The following RPL7A variants were observed in gnomAD, a reference collection of about 807,000 sequenced individuals.
RPL7A encodes the protein ribosomal protein L7a.
For missense variants in RPL7A, 291 were observed against 338.2 expected (o/e 0.86, Z 1.09); for synonymous variants, 158 against 128.2 (o/e 1.23, Z -1.57).
At position 133,349,974 on chromosome 9, in the gene RPL7A, A is replaced by G. The variant is rs2129990227; in HGVS notation, c.337A>G (p.Arg113Gly). Residue 113 changes from arginine (R) to glycine (G), a missense_variant, in exon 4 of 8, where the codon AGA becomes GGA. Transcript: ENST00000323345. ...RPETKQEKKQ[R>G]LLARAEKKAA... ...AGAGACAAAGCAAGAGAAGAAGCAG[A>G]GACTGTTGGCCCGGGCCGAGAAGAA... 6.2e-7 allele frequency: 1 copy of G among 1,612,366 alleles called. No individual in the cohort carries two copies. Among genetic ancestry groups the G allele is most frequent in the Non-Finnish European group, 8.5e-7 (1 of 1,180,036 alleles).
chr9:133,349,529 G>C, intron 2 of RPL7A, 22 bp from the exon 3 acceptor site: 1 of 1,613,912 alleles, frequency 6.2e-7, no homozygotes, highest in Non-Finnish European at 8.5e-7. Context: ...AGCCTCACTC[G>C]GTGTCACCCT....
chr9:133,350,473 T>A, intron 5 of RPL7A, 124 bp from the exon 6 acceptor site: 1 of 1,541,812 alleles, frequency 6.5e-7, no homozygotes, highest in Non-Finnish European at 9.0e-7. Context: ...GATGTGAATC[T>A]CTCACTGAAT....
At position 133,350,999 on chromosome 9, in the gene RPL7A, T is replaced by C; in HGVS notation, c.627-3T>C. On this transcript the variant is annotated splice_polypyrimidine_tract_variant and splice_region_variant and intron_variant, in intron 6 of 7. Coordinates refer to ENST00000323345, the MANE Select transcript of RPL7A (RefSeq NM_000972.3). ...CACTTTTGTTTCCCCTCCTGCCTTT[T>C]AGGGAAGACAAAGGCGCTTTGGCTA... is the stretch of plus-strand genomic sequence containing the variant. 6.2e-7 allele frequency: 1 copy of C among 1,614,002 alleles called. No individual in the cohort carries two copies. The highest frequency in any genetic ancestry group is 8.5e-7 in the Non-Finnish European group (1 of 1,179,938).
At chr9:133,348,364 CT>C in intron 1 of RPL7A, 118 bp downstream of exon 1, 1 of 1,402,336 alleles carries the variant, frequency 7.1e-7, no homozygotes, top group Non-Finnish European at 1.0e-6. Flanking sequence ...GAGAGCCCCA[CT>C]CGGTGTGGCA....
Position 133,350,059 on chromosome 9 carries a change from A to T in RPL7A, c.415+7A>T. On this transcript the variant is annotated splice_region_variant and intron_variant, in intron 4 of 7. Coordinates refer to ENST00000323345, the MANE Select transcript of RPL7A (RefSeq NM_000972.3). ...CCACCTGTCCTTCGAGCAGGTGAGT[A>T]GGCCCCACCTTAGGGTGAACACTGG... 1 of 1,613,998 alleles carries T rather than the reference A, an allele frequency of 6.2e-7. No homozygotes were observed. The highest frequency in any genetic ancestry group is 8.5e-7 in the Non-Finnish European group (1 of 1,180,046).
Position 133,349,583 on chromosome 9 carries a change from C to T in RPL7A, c.157C>T (p.Arg53Cys). ...CATCCAGCCCAAAAGAGACCTCACC[C>T]GCTTTGTGAAATGGCCCCGCTATAT... is the stretch of plus-strand genomic sequence containing the variant. Reference protein sequence around the residue: ...QDIQPKRDLTRFVKWPRYIRL... With the variant: ...QDIQPKRDLTCFVKWPRYIRL... Residue 53 changes from arginine (R) to cysteine (C), a missense_variant, in exon 3 of 8, where the codon CGC becomes TGC. Arg to Cys is a radical substitution (Grantham distance 180). Transcript: ENST00000323345. 1 of 1,614,068 alleles carries T rather than the reference C, an allele frequency of 6.2e-7. No individual in the cohort carries two copies. Among genetic ancestry groups the T allele is most frequent in the Non-Finnish European group, 8.5e-7 (1 of 1,179,988 alleles).
At chr9:133,350,451 GGCTCTT>G in intron 5 of RPL7A, 132 bp downstream of exon 5, 1 of 1,501,474 alleles carries the variant, frequency 6.7e-7, no homozygotes, top group African/African-American at 1.4e-5. Flanking sequence ...ACACATGCGT[GGCTCTT>G]GCAATGATGT....
rs782525000 is a variant in RPL7A, at chr9:133,348,254, A to C, written c.3+8A>C. 2 of 1,613,870 alleles carry C rather than the reference A, an allele frequency of 1.2e-6. No individual in the cohort carries two copies. Among genetic ancestry groups the C allele is most frequent in the African/African-American group, 1.3e-5 (1 of 74,904 alleles). On this transcript the variant is annotated splice_region_variant and intron_variant, in intron 1 of 7. Coordinates refer to ENST00000323345, the MANE Select transcript of RPL7A (RefSeq NM_000972.3). Reference sequence around the variant, plus strand: ...CTCCCGCCGCCCAAGATGGTGAGTGAGCTGTAGTTCCGTGGCACTATAGCC... The same window carrying C: ...CTCCCGCCGCCCAAGATGGTGAGTGCGCTGTAGTTCCGTGGCACTATAGCC...
intron 2 of RPL7A, 48 bp downstream of exon 2, chr9:133,349,090 G>A: frequency 6.2e-7 from 1 of 1,605,198 alleles, no homozygotes. Context: ...TTTCTCAAGG[G>A]AAGGTGGTAA....
intron 4 of RPL7A, 52 bp from the exon 5 acceptor site, chr9:133,350,188 T>C (rs1836353117): frequency 6.2e-7 from 1 of 1,611,488 alleles, no homozygotes; most frequent in Non-Finnish European, 8.5e-7. Flanking sequence ...CAGCAGCTTC[T>C]TGTGACTAGA....
intron 5 of RPL7A, 91 bp from the exon 6 acceptor site, chr9:133,350,506 T>C (rs2129994190): frequency 1.3e-6 from 2 of 1,599,124 alleles, no homozygotes; most frequent in East Asian, 4.5e-5. Flanking sequence ...TGCGAATCCA[T>C]GAGCTTTTTA....
intron 1 of RPL7A, 22 bp downstream of exon 1, chr9:133,348,268 G>C (rs1046408934): frequency 3.7e-6 from 6 of 1,614,052 alleles, no homozygotes; most frequent in Non-Finnish European, 5.1e-6. Context: ...GTAGTTCCGT[G>C]GCACTATAGC....
chr9:133,351,296 C>G lies in RPL7A; in HGVS notation c.731C>G (p.Pro244Arg). 1 of 1,614,086 alleles carries G rather than the reference C, an allele frequency of 6.2e-7. No homozygotes were observed. Among genetic ancestry groups the G allele is most frequent in the Non-Finnish European group, 8.5e-7 (1 of 1,179,954 alleles). The change falls in exon 8 of 8, where the codon CCT (proline) becomes CGT (arginine). Residue 244 changes from proline to arginine, a missense_variant. By Grantham distance (103) the Pro-to-Arg change is moderately radical. Transcript: ENST00000323345. The part of the protein sequence containing the change: ...RRHWGGNVLG[P>R]KSVARIAKLE... ...CACTGGGGTGGCAATGTCCTGGGTC[C>G]TAAGTCTGTGGCTCGTATCGCCAAG... is the stretch of plus-strand genomic sequence containing the variant.
At chr9:133,348,302 C>T (rs1288006125) in intron 1 of RPL7A, 56 bp downstream of exon 1, 3 of 1,613,178 alleles carry the variant, frequency 1.9e-6, no homozygotes, top group Non-Finnish European at 2.5e-6. Flanking sequence ...TATCCGCTGC[C>T]ATCCTCCTCC....
Position 133,350,638 on chromosome 9 carries a change from C to T in RPL7A, c.537C>T (p.Val179=). The change falls in exon 6 of 8, where the codon GTC becomes GTT. Residue 179 remains valine (V), a synonymous_variant. Transcript: ENST00000323345. ...CTGCCCTGTGTCGTAAAATGGGGGT[C>T]CCTTACTGCATTATCAAGGGAAAGG... is the stretch of plus-strand genomic sequence containing the variant. ...FLPALCRKMG[V]PYCIIKGKAR... is the part of the protein sequence containing the mutation. 6.2e-7 allele frequency: 1 copy of T among 1,614,032 alleles called. No individual in the cohort carries two copies. The highest frequency in any genetic ancestry group is 8.5e-7 in the Non-Finnish European group (1 of 1,179,980).
intron 7 of RPL7A, 67 bp from the exon 8 acceptor site, chr9:133,351,195 C>A: frequency 6.4e-7 from 1 of 1,553,770 alleles, no homozygotes; most frequent in Non-Finnish European, 8.9e-7. Context: ...AGAATTAACG[C>A]AACTAATAAC....
chr9:133,349,357 G>A, intron 2 of RPL7A, 194 bp from the exon 3 acceptor site: 3 of 886,284 alleles, frequency 3.4e-6, no homozygotes, highest in South Asian at 1.3e-5. Flanking sequence ...CTTGTTAGAT[G>A]AGGAAAAGCA....
intron 1 of RPL7A, 22 bp from the exon 2 acceptor site, chr9:133,348,900 C>G: frequency 6.2e-7 from 1 of 1,613,372 alleles, no homozygotes; most frequent in Non-Finnish European, 8.5e-7. Flanking sequence ...GGCGGTTTAA[C>G]TGACGTTTTC....
chr9:133,351,011 A>G lies in RPL7A; in HGVS notation c.636A>G (p.Lys212=). 1 of 1,614,130 alleles carries G rather than the reference A, an allele frequency of 6.2e-7. No homozygotes were observed. Among genetic ancestry groups the G allele is most frequent in the South Asian group, 1.1e-5 (1 of 91,072 alleles). The change falls in exon 7 of 8, where the codon AAA becomes AAG. Residue 212 remains lysine, a synonymous_variant. Transcript: ENST00000323345. ...CCCTCCTGCCTTTTAGGGAAGACAAAGGCGCTTTGGCTAAGCTGGTGGAAG... is the reference window on the plus strand; with the variant it reads ...CCCTCCTGCCTTTTAGGGAAGACAAGGGCGCTTTGGCTAAGCTGGTGGAAG... The part of the protein sequence containing the change: ...VAFTQVNSED[K]GALAKLVEAI...
Sources: allele counts gnomAD v4.1 joint callset, GRCh38; gene constraint gnomAD v4.1.1; transcripts MANE v1.5; gene names NCBI Gene and HGNC (gene_info 2026-07-23, HGNC 2026-07-21).